The following PDE8B variants were observed in gnomAD, a reference collection of about 807,000 sequenced individuals.
The protein encoded by PDE8B is high affinity cAMP-specific and IBMX-insensitive 3',5'-cyclic phosphodiesterase 8B.
Under a neutral mutation model 101.3 loss-of-function variants are expected in PDE8B, and 26 were observed. The observed-to-expected ratio is 0.26, with a 90% CI of 0.19 to 0.36. The LOEUF (loss-of-function observed/expected upper bound fraction) is 0.36. Ranked by LOEUF, PDE8B falls within the 10% of genes least tolerant of loss-of-function variation. The probability of loss-of-function intolerance (pLI) is 1.00; values close to 1 mark genes in which losing one functional copy is unlikely to be tolerated. For synonymous variants in PDE8B, 424 were observed against 429.3 expected, an observed-to-expected ratio of 0.99 and a Z score of 0.15; for missense variants, 810 against 1,163.1, an observed-to-expected ratio of 0.70 and a Z score of 4.42.
At chr5:77,234,563 T>A (rs1754293813) in intron 1 of PDE8B, among the ~76,000 whole-genome samples, 2 of 152,176 alleles carry the variant, frequency 1.3e-5, no homozygotes, top group Non-Finnish European at 2.9e-5. Flanking sequence ...GAGGGAGCAC[T>A]CTGAAACTAG....
chr5:77,181,731 G>T, the PDE8B span, among the ~76,000 whole-genome samples: 1 of 152,168 alleles, frequency 6.6e-6, no homozygotes. Context: ...GTGGCTGGGG[G>T]CATGCTGGCT....
intron 1 of PDE8B, among the ~76,000 whole-genome samples, chr5:77,292,846 T>C (rs1767679988): frequency 6.6e-6 from 1 of 152,174 alleles, no homozygotes; most frequent in Non-Finnish European, 1.5e-5. Flanking sequence ...TTTTAATATG[T>C]TTTTCTTACT....
At chr5:77,423,387 C>T (rs1042300856) in intron 20 of PDE8B, among the ~76,000 whole-genome samples, 3 of 152,120 alleles carry the variant, frequency 2.0e-5, no homozygotes, top group South Asian at 2.1e-4. Flanking sequence ...AGTAATGGGA[C>T]GGCTGGGTTG....
At chr5:77,396,550 A>C (rs1380036401) in intron 10 of PDE8B, among the ~76,000 whole-genome samples, 1 of 152,222 alleles carries the variant, frequency 6.6e-6, no homozygotes, top group African/African-American at 2.4e-5. Context: ...CAGCACAGCT[A>C]CAGCTCCATA....
chr5:77,416,861 C>A (rs552675466), intron 17 of PDE8B, among the ~76,000 whole-genome samples: 1 of 152,168 alleles, frequency 6.6e-6, no homozygotes, highest in Non-Finnish European at 1.5e-5. Context: ...GACCTCCCCA[C>A]CCCCAACATC....
intron 1 of PDE8B, among the ~76,000 whole-genome samples, chr5:77,217,222 T>G (rs1365907254): frequency 6.6e-6 from 1 of 152,086 alleles, no homozygotes; most frequent in Admixed American, 6.5e-5. Flanking sequence ...TATCCTGAAC[T>G]CAAAGCCCAA....
chr5:77,184,255 C>G, the PDE8B span, among the ~76,000 whole-genome samples: 4 of 152,182 alleles, frequency 2.6e-5, no homozygotes, highest in Non-Finnish European at 5.9e-5. Flanking sequence ...TGTGAGCCAC[C>G]GTGCTGGCCA....
intron 1 of PDE8B, among the ~76,000 whole-genome samples, chr5:77,306,493 G>A (rs1771237641): frequency 6.6e-6 from 1 of 152,168 alleles, no homozygotes; most frequent in South Asian, 2.1e-4. Flanking sequence ...GAAATCACTG[G>A]TTCTTCTTTG....
the PDE8B span, among the ~76,000 whole-genome samples, chr5:77,150,193 C>T: frequency 6.6e-6 from 1 of 152,156 alleles, no homozygotes; most frequent in South Asian, 2.1e-4. Context: ...GGGAAGCCTG[C>T]TGAGCTATAT....
intron 14 of PDE8B, among the ~76,000 whole-genome samples, chr5:77,409,948 G>A (rs1794210591): frequency 6.6e-6 from 1 of 152,244 alleles, no homozygotes; most frequent in Non-Finnish European, 1.5e-5. Flanking sequence ...CTAATGCAGT[G>A]CAGACCTCAG....
rs1466759676 is a variant in PDE8B at position 77,302,843 on chromosome 5, T to A, written c.340-9151T>A. Reference sequence around the variant, plus strand: ...GGCCCAGGATGCCCTGTGGGATTGCTGTGACCTTTACGTGAGATGATGTAC... The same window carrying A: ...GGCCCAGGATGCCCTGTGGGATTGCAGTGACCTTTACGTGAGATGATGTAC... On this transcript the variant is annotated intron_variant, in intron 1 of 21. Coordinates refer to ENST00000264917, the MANE Select transcript of PDE8B (RefSeq NM_003719.5). 2.0e-5 allele frequency among the ~76,000 whole-genome samples: 3 copies of A among 152,176 alleles called. No individual in the cohort carries two copies. In the East Asian group the frequency reaches 5.8e-4, roughly 29 times the overall value.
chr5:77,261,334 A>G (rs1483981559), intron 1 of PDE8B, among the ~76,000 whole-genome samples: 1 of 152,214 alleles, frequency 6.6e-6, no homozygotes, highest in Non-Finnish European at 1.5e-5. Flanking sequence ...TAGGATCTGC[A>G]TGAAGCCCAG....
At chr5:77,287,588 T>C (rs911909421) in intron 1 of PDE8B, among the ~76,000 whole-genome samples, 1 of 152,198 alleles carries the variant, frequency 6.6e-6, no homozygotes, top group African/African-American at 2.4e-5. Flanking sequence ...TGAAATTACA[T>C]GTATGTGACA....
the PDE8B span, among the ~76,000 whole-genome samples, chr5:77,094,014 A>G: frequency 3.6e-3 from 543 of 152,306 alleles, 4 homozygotes; most frequent in Middle Eastern, 6.8e-3. Flanking sequence ...ACAGGTGTTT[A>G]TTCTTCCATA....
At chr5:77,307,714 A>G (rs148579604) in intron 1 of PDE8B, among the ~76,000 whole-genome samples, 1 of 152,322 alleles carries the variant, frequency 6.6e-6, no homozygotes, top group East Asian at 1.9e-4. Context: ...AATGTTATAC[A>G]GCACAGTTAA....
intron 2 of PDE8B, among the ~76,000 whole-genome samples, chr5:77,323,352 G>A (rs985550409): frequency 1.7e-4 from 26 of 152,178 alleles, no homozygotes; most frequent in Non-Finnish European, 2.9e-4. Flanking sequence ...CCAGTCCAGG[G>A]TGCTCCTAAC....
intron 1 of PDE8B, among the ~76,000 whole-genome samples, chr5:77,260,582 A>ATTTTTTTTTTT (rs34008487): frequency 8.7e-6 from 1 of 114,944 alleles, no homozygotes; most frequent in Admixed American, 9.9e-5. Flanking sequence ...ACTGTGGCTC[A>ATTTTTTTTTTT]TTTTTTTTTT....
chr5:77,349,997 A>G (rs755969212), intron 8 of PDE8B, among the ~76,000 whole-genome samples: 2 of 152,070 alleles, frequency 1.3e-5, no homozygotes, highest in East Asian at 3.9e-4. Flanking sequence ...ATACATTTGT[A>G]GCTTCCTCCT....
At chr5:77,193,398 C>T in the PDE8B span, among the ~76,000 whole-genome samples, 2 of 152,152 alleles carry the variant, frequency 1.3e-5, no homozygotes, top group African/African-American at 4.8e-5. Flanking sequence ...CATTTGGATA[C>T]TCAGTCATTC....
Sources: gnomAD v4.1 joint callset for allele counts (sites outside exome capture counted in the v4.1 genomes callset) on GRCh38, gnomAD v4.1.1 for gene constraint, MANE v1.5 for transcripts, NCBI Gene and HGNC (gene_info 2026-07-23, HGNC 2026-07-21) for gene names.